Variants in DAB1 observed in about 807,000 individuals in gnomAD.
DAB1 encodes the protein disabled homolog 1.
A neutral mutation model predicts 64.6 loss-of-function variants in DAB1; 15 were observed. The observed-to-expected ratio is 0.23, with a 90% CI of 0.16 to 0.36. The LOEUF (loss-of-function observed/expected upper bound fraction) is 0.36. Ranked by LOEUF, DAB1 falls within the 10% of genes least tolerant of loss-of-function variation. The pLI is 1.00. For synonymous variants in DAB1, 235 were observed against 251.9 expected (o/e 0.93, Z 0.64); for missense variants, 596 against 706.7 (o/e 0.84, Z 1.78).
At chr1:57,214,048 G>C (rs984254736) in intron 2 of DAB1, among the ~76,000 whole-genome samples, 4 of 152,144 alleles carry the variant, frequency 2.6e-5, no homozygotes, top group Admixed American at 1.3e-4. Flanking sequence ...GAAAACACTT[G>C]TCTTAGTCCT....
intron 2 of DAB1, among the ~76,000 whole-genome samples, chr1:58,522,803 AT>A (rs1299469742): frequency 2.0e-5 from 3 of 152,238 alleles, no homozygotes; most frequent in Non-Finnish European, 4.4e-5. Flanking sequence ...TAAGAAAACC[AT>A]AAGGAAGAGA....
At chr1:58,095,014 T>C (rs751330780) in intron 5 of DAB1, among the ~76,000 whole-genome samples, 12 of 152,168 alleles carry the variant, frequency 7.9e-5, no homozygotes, top group Non-Finnish European at 1.3e-4. Flanking sequence ...ACAGTCTCTA[T>C]TGCAACTGCC....
chr1:57,535,609 C>T (rs1205505871), intron 7 of DAB1, among the ~76,000 whole-genome samples: 3 of 151,784 alleles, frequency 2.0e-5, no homozygotes, highest in African/African-American at 4.8e-5. Context: ...ATTACAGGCA[C>T]GCGCCACCAC....
chr1:57,310,512 G>A (rs1358578078), intron 1 of DAB1, among the ~76,000 whole-genome samples: 1 of 152,174 alleles, frequency 6.6e-6, no homozygotes, highest in East Asian at 1.9e-4. Flanking sequence ...AGTCCTCGCT[G>A]CTAAGTGGCT....
At chr1:57,603,535 T>C (rs918045752) in intron 7 of DAB1, among the ~76,000 whole-genome samples, 5 of 152,198 alleles carry the variant, frequency 3.3e-5, no homozygotes, top group African/African-American at 1.2e-4. Context: ...GGGGACCACA[T>C]CAGGCATTAA....
chr1:57,298,697 T>C (rs1056739359), intron 1 of DAB1, among the ~76,000 whole-genome samples: 8 of 152,032 alleles, frequency 5.3e-5, no homozygotes, highest in African/African-American at 1.9e-4. Context: ...CCATTTTCCA[T>C]AATAGGATAA....
rs1337677171 is a variant in DAB1 at position 57,415,283 on chromosome 1, ATATG to A, written c.-137+8643_-137+8646del. On this transcript the variant is annotated intron_variant, in intron 1 of 14. Transcript: ENST00000371236. ...CACACACACACACACACACACACAT[ATATG>A]CACACACTCCACATGGATTAGAGAA... Among the ~76,000 whole-genome samples the A allele has an allele frequency of 5.7e-5, 7 of 123,042 alleles. No individual in the cohort carries two copies. The South Asian group carries it at 1.3e-3, about 23-fold the overall frequency. The allele number at this position is 123,042 out of a possible 152,430, so 80.7% of individuals were successfully genotyped here. A position where few individuals can be genotyped will look rare whatever the true frequency, so the allele number is the denominator to read the frequency against.
intron 4 of DAB1, among the ~76,000 whole-genome samples, chr1:58,178,076 G>C (rs969864178): frequency 2.0e-5 from 3 of 152,130 alleles, no homozygotes; most frequent in Admixed American, 1.3e-4. Flanking sequence ...TTAAGCCCTT[G>C]CAATATGGAT....
chr1:58,161,509 G>C (rs1570432182), intron 4 of DAB1, among the ~76,000 whole-genome samples: 2 of 152,164 alleles, frequency 1.3e-5, no homozygotes, highest in African/African-American at 4.8e-5. Flanking sequence ...AAGTAATTGA[G>C]AGTAGTCGAA....
chr1:58,320,756 T>C (rs181332694), intron 4 of DAB1, among the ~76,000 whole-genome samples: 1 of 152,346 alleles, frequency 6.6e-6, no homozygotes, highest in East Asian at 1.9e-4. Flanking sequence ...TTTACTCTTA[T>C]GTCCATCTTT....
At chr1:57,297,274 C>A (rs1222243972) in intron 1 of DAB1, among the ~76,000 whole-genome samples, 5 of 152,076 alleles carry the variant, frequency 3.3e-5, no homozygotes, top group Admixed American at 1.3e-4. Flanking sequence ...GAAATGTTAG[C>A]CCCTCAAAAT....
intron 2 of DAB1, among the ~76,000 whole-genome samples, chr1:57,163,896 T>C (rs1660992837): frequency 6.6e-6 from 1 of 152,102 alleles, no homozygotes; most frequent in Non-Finnish European, 1.5e-5. Context: ...TGCCTTAATA[T>C]TCCATTGAAG....
intron 7 of DAB1, among the ~76,000 whole-genome samples, chr1:57,548,083 GTTAT>G (rs1218293486): frequency 6.6e-6 from 1 of 152,038 alleles, no homozygotes; most frequent in African/African-American, 2.4e-5. Context: ...TCTATAATAG[GTTAT>G]TTATAAATAT....
intron 3 of DAB1, among the ~76,000 whole-genome samples, chr1:58,366,682 A>C (rs1172147100): frequency 6.6e-6 from 1 of 152,222 alleles, no homozygotes; most frequent in African/African-American, 2.4e-5. Flanking sequence ...TCCAAGGAGC[A>C]ACTTTTTTGC....
chr1:57,100,423 C>T (rs1654563025), intron 4 of DAB1, among the ~76,000 whole-genome samples: 2 of 152,158 alleles, frequency 1.3e-5, no homozygotes, highest in South Asian at 4.1e-4. Flanking sequence ...CACTGACTGA[C>T]TGCTGTGTCT....
chr1:58,502,166 G>T (rs1645917653), intron 3 of DAB1, among the ~76,000 whole-genome samples: 1 of 152,094 alleles, frequency 6.6e-6, no homozygotes, highest in South Asian at 2.1e-4. Flanking sequence ...GATCCAATAA[G>T]AAATAAAAAT....
At chr1:57,282,293 G>T (rs138002328) in intron 2 of DAB1, among the ~76,000 whole-genome samples, 1 of 151,062 alleles carries the variant, frequency 6.6e-6, no homozygotes, top group Non-Finnish European at 1.5e-5. Flanking sequence ...AGGTGAAATC[G>T]CAGTCTGCAC....
At chr1:57,411,897 G>A (rs912705621) in intron 1 of DAB1, among the ~76,000 whole-genome samples, 4 of 152,090 alleles carry the variant, frequency 2.6e-5, no homozygotes, top group Non-Finnish European at 4.4e-5. Context: ...ATTGTACTTC[G>A]CCTTATTGCA....
chr1:58,100,639 A>C (rs1651260012), intron 5 of DAB1, among the ~76,000 whole-genome samples: 1 of 152,242 alleles, frequency 6.6e-6, no homozygotes, highest in East Asian at 1.9e-4. Flanking sequence ...GTCCCACCAA[A>C]CTGTTTTCTA....
Sources: allele counts gnomAD v4.1 joint callset (sites outside exome capture counted in the v4.1 genomes callset), GRCh38; gene constraint gnomAD v4.1.1; transcripts MANE v1.5; gene names NCBI Gene and HGNC (gene_info 2026-07-23, HGNC 2026-07-21).